SGPP2: variants seen among roughly 807,000 people sequenced by gnomAD.
SGPP2 encodes sphingosine-1-phosphate phosphatase 2.
A neutral mutation model predicts 33.9 loss-of-function variants in SGPP2; 30 were observed. The observed-to-expected ratio is 0.89, with a 90% CI of 0.66 to 1.20. The LOEUF (loss-of-function observed/expected upper bound fraction) is 1.20. Among genes scored for constraint, SGPP2 ranks in the 50% most tolerant of loss-of-function variants. The pLI is 0.00. For synonymous variants in SGPP2, 233 were observed against 225.0 expected (o/e 1.04, Z -0.32); for missense variants, 458 against 532.1 (o/e 0.86, Z 1.37).
chr2:222,439,534 A>G (rs1337069519), intron 1 of SGPP2, among the ~76,000 whole-genome samples: 1 of 151,806 alleles, frequency 6.6e-6, no homozygotes, highest in Admixed American at 6.6e-5. Context: ...TCCATCTCCA[A>G]AAAAAAAGGA....
intron 4 of SGPP2, among the ~76,000 whole-genome samples, chr2:222,543,196 ATTGT>A (rs1214306424): frequency 6.6e-6 from 1 of 152,138 alleles, no homozygotes; most frequent in Non-Finnish European, 1.5e-5. Context: ...GTGAGGTTTT[ATTGT>A]TTTTCTTATT....
At chr2:222,541,670 G>A (rs1334074290) in intron 4 of SGPP2, among the ~76,000 whole-genome samples, 1 of 151,850 alleles carries the variant, frequency 6.6e-6, no homozygotes, top group Non-Finnish European at 1.5e-5. Flanking sequence ...CTGGAGTGCG[G>A]TGGCGCTATC....
intron 4 of SGPP2, among the ~76,000 whole-genome samples, chr2:222,553,989 A>C (rs1016261364): frequency 3.3e-5 from 5 of 152,180 alleles, no homozygotes; most frequent in Non-Finnish European, 4.4e-5. Flanking sequence ...ATTTTATCAC[A>C]CCAACCTGTG....
chr2:222,485,742 A>T (rs2106105971), intron 2 of SGPP2, among the ~76,000 whole-genome samples: 1 of 152,198 alleles, frequency 6.6e-6, no homozygotes, highest in East Asian at 1.9e-4. Flanking sequence ...AGGCCTGTCC[A>T]GCTCCTGTGT....
intron 1 of SGPP2, among the ~76,000 whole-genome samples, chr2:222,450,648 G>T (rs546056275): frequency 1.3e-5 from 2 of 152,198 alleles, no homozygotes. Flanking sequence ...ACAAAAACGT[G>T]CATTGAGAGA....
In SGPP2 at chr2:222,483,836, C is replaced by G. The variant is rs528968696; in HGVS notation, c.378+9110C>G. 2.2e-3 allele frequency among the ~76,000 whole-genome samples: 329 copies of G among 152,338 alleles called. 2 individuals carry two copies. Among genetic ancestry groups the G allele is most frequent in the Non-Finnish European group, 3.8e-3 (259 of 68,030 alleles). On this transcript the variant is annotated intron_variant, in intron 2 of 4. Coordinates refer to ENST00000321276, the MANE Select transcript of SGPP2 (RefSeq NM_152386.4). ...TAATCCTCTGTTTAAACCACTACCC[C>G]TACACTTCAAAAGATTGCCCTGCTT...
At chr2:222,528,818 T>C (rs1272704528) in intron 4 of SGPP2, among the ~76,000 whole-genome samples, 1 of 152,172 alleles carries the variant, frequency 6.6e-6, no homozygotes, top group Non-Finnish European at 1.5e-5. Flanking sequence ...TGTCTCACTA[T>C]GTTGCCCAGG....
rs1689535166 is a variant in SGPP2, at chr2:222,561,346, A to T, written c.*2448A>T. Among the ~76,000 whole-genome samples the T allele has an allele frequency of 6.6e-6, 1 of 151,936 alleles. No homozygotes were observed. The highest frequency in any genetic ancestry group is 2.1e-4 in the South Asian group (1 of 4,820). ...GGATGCGGCACTTTTCTGTATTTTCATCCACACAGCTGCCCAGCCAGAGTT... is the reference window on the plus strand; with the variant it reads ...GGATGCGGCACTTTTCTGTATTTTCTTCCACACAGCTGCCCAGCCAGAGTT... On this transcript the variant is annotated 3_prime_UTR_variant, in exon 5 of 5. Coordinates refer to ENST00000321276, the MANE Select transcript of SGPP2 (RefSeq NM_152386.4).
intron 2 of SGPP2, among the ~76,000 whole-genome samples, chr2:222,501,608 CACCTCATCAGG>C (rs1416536969): frequency 6.6e-6 from 1 of 152,170 alleles, no homozygotes; most frequent in Non-Finnish European, 1.5e-5. Flanking sequence ...GACCTGACCT[CACCTCATCAGG>C]AGACTTCCTC....
At chr2:222,492,206 G>C (rs2106111262) in intron 2 of SGPP2, among the ~76,000 whole-genome samples, 1 of 152,270 alleles carries the variant, frequency 6.6e-6, no homozygotes, top group South Asian at 2.1e-4. Context: ...TGCCCCAGTG[G>C]GGACTCTGTG....
chr2:222,425,191 TC>T (rs1004625412), intron 1 of SGPP2, among the ~76,000 whole-genome samples: 15 of 151,622 alleles, frequency 9.9e-5, no homozygotes, highest in African/African-American at 3.4e-4. Context: ...GTTCTTAGAC[TC>T]CCCCCCACCC....
chr2:222,480,680 C>T (rs1413930023), intron 2 of SGPP2, among the ~76,000 whole-genome samples: 2 of 152,220 alleles, frequency 1.3e-5, no homozygotes, highest in African/African-American at 4.8e-5. Context: ...ATTATTTTCT[C>T]AGAAATATCT....
intron 1 of SGPP2, among the ~76,000 whole-genome samples, chr2:222,443,799 G>C (rs1697360493): frequency 6.6e-6 from 1 of 152,148 alleles, no homozygotes; most frequent in Non-Finnish European, 1.5e-5. Context: ...TATTTTGCAG[G>C]GGAGGCAGTG....
chr2:222,535,638 G>T (rs891794627), intron 4 of SGPP2, among the ~76,000 whole-genome samples: 2 of 152,210 alleles, frequency 1.3e-5, no homozygotes, highest in Non-Finnish European at 2.9e-5. Context: ...GAAGCCACTC[G>T]CATCCTTTCT....
intron 4 of SGPP2, among the ~76,000 whole-genome samples, chr2:222,532,906 T>A (rs1698859668): frequency 6.6e-6 from 1 of 152,180 alleles, no homozygotes; most frequent in African/African-American, 2.4e-5. Flanking sequence ...CATCACTGAG[T>A]GACTTTACCA....
At chr2:222,424,493 G>A (rs1697026900), upstream of SGPP2, 1 of 750,628 alleles carries the variant, frequency 1.3e-6, no homozygotes, top group Non-Finnish European at 1.7e-6. Context: ...CCGCCCGCCC[G>A]GCCTCCGCCC....
At chr2:222,453,298 T>G (rs1697521160) in intron 1 of SGPP2, among the ~76,000 whole-genome samples, 1 of 152,212 alleles carries the variant, frequency 6.6e-6, no homozygotes, top group East Asian at 1.9e-4. Flanking sequence ...CACACTCATG[T>G]TATTACTGGG....
Position 222,477,171 on chromosome 2 carries a change from G to T in SGPP2, c.378+2445G>T, listed in dbSNP as rs1471370054. Among the ~76,000 whole-genome samples, 8 of 151,668 alleles carry T rather than the reference G, an allele frequency of 5.3e-5. No individual in the cohort carries two copies. Among genetic ancestry groups the T allele is most frequent in the African/African-American group, 1.5e-4 (6 of 41,254 alleles). Reference sequence around the variant, plus strand: ...TATATCTGTGTGTGTGTATAGGTGTGTGTATATGTGTATGTGTGTATATAT... The same window carrying T: ...TATATCTGTGTGTGTGTATAGGTGTTTGTATATGTGTATGTGTGTATATAT... On this transcript the variant is annotated intron_variant, in intron 2 of 4. Transcript: ENST00000321276. The surrounding 1 kb of genome is among the most constrained non-coding windows in gnomAD (Gnocchi z 6.0).
At chr2:222,536,574 G>T (rs1574884524) in intron 4 of SGPP2, among the ~76,000 whole-genome samples, 1 of 152,258 alleles carries the variant, frequency 6.6e-6, no homozygotes, top group East Asian at 1.9e-4. Flanking sequence ...CAGCTACTCG[G>T]GAGGATGAGG....
Sources: gnomAD v4.1 joint callset for allele counts (sites outside exome capture counted in the v4.1 genomes callset) on GRCh38, gnomAD v4.1.1 for gene constraint, Gnocchi (gnomAD v3.1) non-coding constraint, MANE v1.5 for transcripts, NCBI Gene and HGNC (gene_info 2026-07-23, HGNC 2026-07-21) for gene names.